The following GLIS3 variants were observed in gnomAD, a reference collection of about 807,000 sequenced individuals.
The protein encoded by GLIS3 is zinc finger protein GLIS3.
A neutral mutation model predicts 78.6 loss-of-function variants in GLIS3; 53 were observed. That is an observed-to-expected ratio of 0.67 (90% CI 0.54 to 0.85). GLIS3 has a LOEUF of 0.85. GLIS3 is among the 40% of genes least tolerant of loss of function. The probability of loss-of-function intolerance (pLI) is 0.00; values close to 1 mark genes in which losing one functional copy is unlikely to be tolerated. For missense variants in GLIS3, 1,703 were observed against 1,231.1 expected (o/e 1.38, Z -5.74); for synonymous variants, 684 against 509.9 (o/e 1.34, Z -4.60).
At chr9:3,850,465 G>A (rs1000902800) in intron 9 of GLIS3, among the ~76,000 whole-genome samples, 34 of 152,208 alleles carry the variant, frequency 2.2e-4, no homozygotes, top group African/African-American at 8.0e-4. Context: ...AAACACAATT[G>A]CACATTATCC....
intron 4 of GLIS3, among the ~76,000 whole-genome samples, chr9:4,086,253 C>T (rs1001743756): frequency 5.3e-5 from 8 of 152,150 alleles, no homozygotes; most frequent in African/African-American, 1.7e-4. Flanking sequence ...ATCCTCATCC[C>T]CCAAGTCCCA....
intron 2 of GLIS3, among the ~76,000 whole-genome samples, chr9:4,176,196 A>G (rs1816800883): frequency 6.6e-6 from 1 of 152,216 alleles, no homozygotes; most frequent in Non-Finnish European, 1.5e-5. Context: ...TCAGGAAGAG[A>G]AAAAAACTCA....
intron 4 of GLIS3, among the ~76,000 whole-genome samples, chr9:4,051,118 C>A (rs190372646): frequency 6.6e-6 from 1 of 152,182 alleles, no homozygotes; most frequent in African/African-American, 2.4e-5. Flanking sequence ...GTTCTCCCAG[C>A]CCCTAAAGAA....
intron 2 of GLIS3, among the ~76,000 whole-genome samples, chr9:4,237,728 A>AT (rs1477501820): frequency 6.6e-6 from 1 of 152,112 alleles, no homozygotes; most frequent in African/African-American, 2.4e-5. Flanking sequence ...GTTTTGCAGT[A>AT]TTTTCCCCAC....
At chr9:4,316,246 G>A (rs1817434921) in intron 2 of GLIS3, among the ~76,000 whole-genome samples, 1 of 152,158 alleles carries the variant, frequency 6.6e-6, no homozygotes, top group Non-Finnish European at 1.5e-5. Flanking sequence ...AACTCATCTA[G>A]CTACCTTTGC....
At chr9:4,061,714 A>G (rs954968525) in intron 4 of GLIS3, among the ~76,000 whole-genome samples, 5 of 152,206 alleles carry the variant, frequency 3.3e-5, no homozygotes, top group Non-Finnish European at 7.3e-5. Context: ...CAAAAGCTTC[A>G]TGATAGCCAA....
intron 4 of GLIS3, among the ~76,000 whole-genome samples, chr9:3,981,856 T>G (rs950707022): frequency 6.6e-6 from 1 of 152,132 alleles, no homozygotes; most frequent in African/African-American, 2.4e-5. Context: ...TTTTGGCAAA[T>G]TGCTTTCATG....
At chr9:4,339,302 G>A (rs1817799871) in intron 2 of GLIS3, among the ~76,000 whole-genome samples, 1 of 152,322 alleles carries the variant, frequency 6.6e-6, no homozygotes, top group Non-Finnish European at 1.5e-5. Context: ...GAGGGTGCCA[G>A]TTATTTGGAG....
At position 4,286,346 on chromosome 9, in the gene GLIS3, T is replaced by A. The variant is rs778127744; in HGVS notation, c.80A>T (p.His27Leu). ...PQGPRMVSGH[H>L]IPAIRAHSGT... Reference sequence around the variant, plus strand: ...GGAGTGGGCTCGGATGGCAGGAATGTGATGACCACTGACCATCCTAGGCCC... The same window carrying A: ...GGAGTGGGCTCGGATGGCAGGAATGAGATGACCACTGACCATCCTAGGCCC... Residue 27 changes from histidine to leucine, a missense_variant, in exon 2 of 11, where the codon CAC becomes CTC. Physicochemically the swap from His to Leu is moderately conservative, Grantham distance 99. Transcript: ENST00000381971. 1 of 1,614,172 alleles carries A rather than the reference T, an allele frequency of 6.2e-7. No homozygotes were observed. Among genetic ancestry groups the A allele is most frequent in the Non-Finnish European group, 8.5e-7 (1 of 1,180,014 alleles).
At chr9:4,045,954 G>C (rs890806527) in intron 4 of GLIS3, among the ~76,000 whole-genome samples, 1 of 152,024 alleles carries the variant, frequency 6.6e-6, no homozygotes, top group South Asian at 2.1e-4. Flanking sequence ...AGATCGGGGG[G>C]GAAATCATAA....
intron 2 of GLIS3, among the ~76,000 whole-genome samples, chr9:4,235,941 C>G (rs911653632): frequency 1.1e-4 from 16 of 151,994 alleles, no homozygotes; most frequent in African/African-American, 3.9e-4. Flanking sequence ...ACAACGATCA[C>G]CTCTAATGAA....
At chr9:4,333,375 A>C (rs1273795197) in intron 2 of GLIS3, among the ~76,000 whole-genome samples, 1 of 151,464 alleles carries the variant, frequency 6.6e-6, no homozygotes, top group Non-Finnish European at 1.5e-5. Flanking sequence ...AAAGGGAAGA[A>C]AGGAAGGGAG....
At chr9:4,289,499 C>G (rs1330000611) in intron 1 of GLIS3, among the ~76,000 whole-genome samples, 1 of 152,146 alleles carries the variant, frequency 6.6e-6, no homozygotes. Flanking sequence ...TGCATTTACA[C>G]TTTGCCAAAA....
intron 2 of GLIS3, among the ~76,000 whole-genome samples, chr9:4,195,565 A>G (rs1250681241): frequency 1.3e-5 from 2 of 152,216 alleles, no homozygotes; most frequent in African/African-American, 4.8e-5. Flanking sequence ...GCAGCCCGCC[A>G]TGCCCGAGCT....
At chr9:4,436,764 C>T in the GLIS3 span, among the ~76,000 whole-genome samples, 1 of 141,190 alleles carries the variant, frequency 7.1e-6, no homozygotes, top group Admixed American at 7.4e-5. Flanking sequence ...CGAGATTGCA[C>T]CATTGGCCAT....
At chr9:3,859,845 G>C (rs193095125) in intron 8 of GLIS3, among the ~76,000 whole-genome samples, 4 of 152,212 alleles carry the variant, frequency 2.6e-5, no homozygotes, top group Admixed American at 6.5e-5. Flanking sequence ...GAAACAGATC[G>C]CACAAAAGCT....
chr9:4,406,018 C>T, the GLIS3 span, among the ~76,000 whole-genome samples: 2 of 152,178 alleles, frequency 1.3e-5, no homozygotes, highest in African/African-American at 4.8e-5. Flanking sequence ...TTTAACATCT[C>T]TTCATGATAA....
intron 4 of GLIS3, among the ~76,000 whole-genome samples, chr9:4,044,828 C>A (rs957659721): frequency 6.6e-6 from 1 of 152,036 alleles, no homozygotes; most frequent in Non-Finnish European, 1.5e-5. Context: ...TTGGGCAGAT[C>A]CATTCCTAAA....
the GLIS3 span, among the ~76,000 whole-genome samples, chr9:4,365,062 G>T: frequency 6.6e-6 from 1 of 152,094 alleles, no homozygotes; most frequent in African/African-American, 2.4e-5. Flanking sequence ...CAATTTCTTT[G>T]TAAGACAGAA....
Sources: allele counts gnomAD v4.1 joint callset (sites outside exome capture counted in the v4.1 genomes callset), GRCh38; gene constraint gnomAD v4.1.1; transcripts MANE v1.5; gene names NCBI Gene and HGNC (gene_info 2026-07-23, HGNC 2026-07-21).